The following MTMR2 variants were observed in gnomAD, a reference collection of about 807,000 sequenced individuals.
MTMR2 encodes phosphatidylinositol-3,5-bisphosphate 3-phosphatase MTMR2.
In MTMR2, 55 loss-of-function variants were observed where a neutral mutation model predicts 86.9. The ratio of observed to expected loss-of-function variants is 0.63; its 90% confidence interval spans 0.51 to 0.79. The LOEUF is 0.79. Among genes scored for constraint, MTMR2 ranks in the 30% least tolerant of loss-of-function variants. The probability of loss-of-function intolerance (pLI) is 0.00; values close to 1 mark genes in which losing one functional copy is unlikely to be tolerated. For missense variants in MTMR2, 659 were observed against 772.3 expected (o/e 0.85, Z 1.74); for synonymous variants, 241 against 266.8 (o/e 0.90, Z 0.94).
chr11:95,861,306 A>G (rs1325948752), intron 5 of MTMR2, among the ~76,000 whole-genome samples: 1 of 151,250 alleles, frequency 6.6e-6, no homozygotes, highest in African/African-American at 2.4e-5. Context: ...AGTAATGTCT[A>G]TTGTGCCTAC....
chr11:95,854,307 T>C (rs1414137646), intron 7 of MTMR2, among the ~76,000 whole-genome samples: 1 of 152,232 alleles, frequency 6.6e-6, no homozygotes, highest in African/African-American at 2.4e-5. Flanking sequence ...AAGTTTATTA[T>C]ACAAACAAAC....
intron 2 of MTMR2, among the ~76,000 whole-genome samples, chr11:95,880,947 AAAT>A: frequency 6.6e-6 from 1 of 152,238 alleles, no homozygotes; most frequent in South Asian, 2.1e-4. Flanking sequence ...AGCACAATCA[AAAT>A]AATAATCTTT....
At chr11:95,899,974 A>C (rs916171441) in intron 1 of MTMR2, among the ~76,000 whole-genome samples, 14 of 152,186 alleles carry the variant, frequency 9.2e-5, no homozygotes, top group Admixed American at 3.3e-4. Flanking sequence ...TTCTATGTGC[A>C]GAGACATTCT....
chr11:95,835,511 C>T, intron 14 of MTMR2, 60 bp from the exon 15 acceptor site: 1 of 1,544,344 alleles, frequency 6.5e-7, no homozygotes, highest in Non-Finnish European at 8.9e-7. Flanking sequence ...CAGGTCAAAT[C>T]ATTCCCTAAA....
rs556847813 is a variant in MTMR2, at chr11:95,907,478, A to C, written c.80+16397T>G. The stretch of plus-strand genomic sequence containing the variant: ...CATTCCTATGGAAACTATTCCCCCC[A>C]AAAAAATGAGGAGGAAGGACTCCCT... On this transcript the variant is annotated intron_variant, in intron 1 of 14. Coordinates refer to ENST00000346299, the MANE Select transcript of MTMR2 (RefSeq NM_016156.6). 1.2e-3 allele frequency among the ~76,000 whole-genome samples: 179 copies of C among 152,156 alleles called. 2 individuals are homozygous for C. Among genetic ancestry groups the C allele is most frequent in the African/African-American group, 4.0e-3 (167 of 41,536 alleles).
intron 1 of MTMR2, among the ~76,000 whole-genome samples, chr11:95,922,899 GA>G (rs1866980879): frequency 2.2e-5 from 3 of 137,176 alleles, no homozygotes; most frequent in Admixed American, 1.5e-4. Context: ...AGGAGAAAAT[GA>G]AAATTGTGTG....
chr11:95,922,275 C>T (rs1330206408), intron 1 of MTMR2, among the ~76,000 whole-genome samples: 2 of 152,212 alleles, frequency 1.3e-5, no homozygotes. Context: ...TTCTAACATA[C>T]TGTGCTGCTT....
At chr11:95,897,374 A>G (rs1048863428) in intron 1 of MTMR2, among the ~76,000 whole-genome samples, 4 of 152,190 alleles carry the variant, frequency 2.6e-5, no homozygotes, top group African/African-American at 9.6e-5. Context: ...GAAATTTTTT[A>G]GTATTTTAAT....
At chr11:95,881,021 T>C (rs1203692514) in intron 2 of MTMR2, among the ~76,000 whole-genome samples, 7 of 152,130 alleles carry the variant, frequency 4.6e-5, no homozygotes, top group Admixed American at 4.6e-4. Flanking sequence ...TCGTAAGTCA[T>C]AATGATATTG....
intron 11 of MTMR2, among the ~76,000 whole-genome samples, chr11:95,842,815 T>C (rs2135420365): frequency 6.6e-6 from 1 of 152,358 alleles, no homozygotes; most frequent in African/African-American, 2.4e-5. Context: ...CACTGTATTC[T>C]ACCCTACCAG....
At chr11:95,891,164 T>A (rs1865700551) in intron 1 of MTMR2, among the ~76,000 whole-genome samples, 1 of 151,778 alleles carries the variant, frequency 6.6e-6, no homozygotes, top group Non-Finnish European at 1.5e-5. Flanking sequence ...ACCAAACAGC[T>A]CTCTGGTTGG....
chr11:95,846,511 GTC>G (rs776263714), intron 10 of MTMR2, among the ~76,000 whole-genome samples: 12 of 152,302 alleles, frequency 7.9e-5, no homozygotes, highest in Non-Finnish European at 1.2e-4. Context: ...GCTGGGAAAG[GTC>G]TCTCTCAGAA....
chr11:95,889,370 T>C (rs1591026025), intron 1 of MTMR2, among the ~76,000 whole-genome samples: 3 of 152,112 alleles, frequency 2.0e-5, no homozygotes, highest in African/African-American at 7.2e-5. Context: ...TGACCTCAAC[T>C]GATGTGCCCG....
chr11:95,842,014 G>A (rs1421080002), intron 11 of MTMR2, among the ~76,000 whole-genome samples: 3 of 152,112 alleles, frequency 2.0e-5, no homozygotes, highest in East Asian at 1.9e-4. Context: ...GCTGGCTTGC[G>A]CCCAAAAGTA....
chr11:95,893,942 A>G (rs868166113), intron 1 of MTMR2, among the ~76,000 whole-genome samples: 2 of 152,316 alleles, frequency 1.3e-5, no homozygotes, highest in Middle Eastern at 3.4e-3. Context: ...GATCATATCA[A>G]TCCCTTGCTT....
chr11:95,899,390 T>G (rs1017279734), intron 1 of MTMR2, among the ~76,000 whole-genome samples: 5 of 152,106 alleles, frequency 3.3e-5, no homozygotes, highest in Admixed American at 6.6e-5. Flanking sequence ...GTCTTGAAAT[T>G]TTTTAAGACT....
chr11:95,849,063 G>A (rs955973254), intron 9 of MTMR2, among the ~76,000 whole-genome samples: 1 of 152,038 alleles, frequency 6.6e-6, no homozygotes, highest in Admixed American at 6.6e-5. Context: ...GAAAAGATGA[G>A]CGCTTTTCAG....
intron 11 of MTMR2, among the ~76,000 whole-genome samples, chr11:95,843,407 T>A (rs1264875056): frequency 6.6e-6 from 1 of 152,170 alleles, no homozygotes; most frequent in Non-Finnish European, 1.5e-5. Context: ...AAAATGGAAG[T>A]GAGACCAATG....
In MTMR2 at chr11:95,834,561, T is replaced by C. The variant is rs1478481680; in HGVS notation, c.*729A>G. 1 of 152,134 alleles carries C rather than the reference T, an allele frequency of 6.6e-6. No homozygotes were observed. Among genetic ancestry groups the C allele is most frequent in the Non-Finnish European group, 1.5e-5 (1 of 68,020 alleles). The allele number at this position is 152,134 out of a possible 1,614,324, so 9.4% of individuals were successfully genotyped here. On this transcript the variant is annotated 3_prime_UTR_variant, in exon 15 of 15. Transcript: ENST00000346299. ...ATATCTTTCATGATGTTTCTGGTAA[T>C]TGGGCTAATCTGAAGGGCATGGAAT... is the stretch of plus-strand genomic sequence containing the variant.
Sources: gnomAD v4.1 joint callset for allele counts (sites outside exome capture counted in the v4.1 genomes callset) on GRCh38, gnomAD v4.1.1 for gene constraint, MANE v1.5 for transcripts, NCBI Gene and HGNC (gene_info 2026-07-23, HGNC 2026-07-21) for gene names.